SEL1L2: variants seen among roughly 807,000 people sequenced by gnomAD.
SEL1L2 encodes the protein protein sel-1 homolog 2.
Under a neutral mutation model 98.8 loss-of-function variants are expected in SEL1L2, and 89 were observed. The observed-to-expected ratio is 0.90, with a 90% CI of 0.76 to 1.07. The LOEUF is 1.07. Among genes scored for constraint, SEL1L2 ranks in the 50% least tolerant of loss-of-function variants. The probability of loss-of-function intolerance (pLI) is 0.00; values close to 1 mark genes in which losing one functional copy is unlikely to be tolerated. For synonymous variants in SEL1L2, 262 were observed against 278.5 expected, an observed-to-expected ratio of 0.94 and a Z score of 0.59; for missense variants, 788 against 812.0, an observed-to-expected ratio of 0.97 and a Z score of 0.36.
chr20:13,850,072 T>A, intron 19 of SEL1L2, 119 bp downstream of exon 19: 3 of 1,157,654 alleles, frequency 2.6e-6, no homozygotes, highest in Non-Finnish European at 2.5e-6. Context: ...ACTCTGAATT[T>A]TACTTCTCAA....
At chr20:13,971,790 T>C (rs995984958) in intron 1 of SEL1L2, among the ~76,000 whole-genome samples, 1 of 152,120 alleles carries the variant, frequency 6.6e-6, no homozygotes, top group Admixed American at 6.6e-5. Context: ...TGAAGTGGGA[T>C]CTACCATTTT....
At chr20:13,903,273 C>G (rs1600685035) in intron 5 of SEL1L2, among the ~76,000 whole-genome samples, 1 of 152,130 alleles carries the variant, frequency 6.6e-6, no homozygotes, top group Non-Finnish European at 1.5e-5. Context: ...CACACATTAT[C>G]TATGGATGTG....
At chr20:13,918,997 T>C (rs1479320487) in intron 4 of SEL1L2, 24 bp downstream of exon 4, 1 of 1,510,874 alleles carries the variant, frequency 6.6e-7, no homozygotes, top group South Asian at 1.2e-5. Context: ...TCAACTTGGC[T>C]AAGGTCACTG....
chr20:13,857,896 T>G (rs750895585), intron 18 of SEL1L2, among the ~76,000 whole-genome samples: 11 of 152,210 alleles, frequency 7.2e-5, no homozygotes, highest in Non-Finnish European at 1.3e-4. Flanking sequence ...GGCAGATATC[T>G]GTTTTACTGA....
chr20:13,910,365 T>G (rs1186639855), intron 5 of SEL1L2, among the ~76,000 whole-genome samples: 2 of 152,228 alleles, frequency 1.3e-5, no homozygotes, highest in African/African-American at 4.8e-5. Context: ...GGTATTACTA[T>G]CAATCTCTTT....
At chr20:13,913,651 C>A in intron 5 of SEL1L2, 131 bp downstream of exon 5, 1 of 771,688 alleles carries the variant, frequency 1.3e-6, no homozygotes, top group Non-Finnish European at 1.9e-6. Flanking sequence ...TGTTTCAGTG[C>A]ATTATGGTAA....
chr20:13,983,719 C>T (rs549358601), intron 1 of SEL1L2, among the ~76,000 whole-genome samples: 50 of 152,068 alleles, frequency 3.3e-4, no homozygotes, highest in African/African-American at 1.1e-3. Context: ...CGGGGTTTCT[C>T]CATGTTGGTC....
chr20:13,990,612 A>T lies in SEL1L2; in HGVS notation c.-78T>A, dbSNP rs866640649. ...GGCCCAAGAGCTCCTCTTCTCAGGG[A>T]CTGTGGTGGGGGCAGGAGTCAGTTG... is the stretch of plus-strand genomic sequence containing the variant. On this transcript the variant is annotated 5_prime_UTR_variant, in exon 1 of 20. Coordinates refer to ENST00000284951, the MANE Select transcript of SEL1L2 (RefSeq NM_025229.2). 29 of 1,131,864 alleles carry T rather than the reference A, an allele frequency of 2.6e-5. 1 individual carries two copies. The Middle Eastern group carries it at 2.0e-3, about 77-fold the overall frequency. 70.1% of individuals were successfully genotyped at this position (1,131,864 alleles called of 1,614,324 possible).
chr20:13,886,854 C>G (rs1296717212), intron 8 of SEL1L2, among the ~76,000 whole-genome samples: 1 of 151,568 alleles, frequency 6.6e-6, no homozygotes, highest in African/African-American at 2.4e-5. Flanking sequence ...AGCCACTGTG[C>G]TCCAACATGG....
intron 1 of SEL1L2, among the ~76,000 whole-genome samples, chr20:13,986,494 A>C (rs992359549): frequency 6.6e-6 from 1 of 152,128 alleles, no homozygotes; most frequent in Non-Finnish European, 1.5e-5. Flanking sequence ...GAACCATATA[A>C]TAGGCAACCT....
At chr20:13,943,192 T>C (rs778331923) in intron 2 of SEL1L2, among the ~76,000 whole-genome samples, 3 of 152,204 alleles carry the variant, frequency 2.0e-5, no homozygotes, top group Non-Finnish European at 4.4e-5. Flanking sequence ...CAAATAAGAA[T>C]AGTAGACAGC....
chr20:13,884,742 C>T (rs147016345), intron 10 of SEL1L2, among the ~76,000 whole-genome samples: 286 of 152,020 alleles, frequency 1.9e-3, no homozygotes, highest in Middle Eastern at 3.4e-3. Context: ...ATCCTGATCT[C>T]GTGATCCGCC....
At chr20:13,982,162 T>C (rs1276508534) in intron 1 of SEL1L2, among the ~76,000 whole-genome samples, 1 of 152,146 alleles carries the variant, frequency 6.6e-6, no homozygotes, top group African/African-American at 2.4e-5. Context: ...AACTTTTTGT[T>C]GTTTTGCTTT....
intron 12 of SEL1L2, among the ~76,000 whole-genome samples, chr20:13,871,176 A>G (rs1272726128): frequency 1.3e-5 from 2 of 152,168 alleles, no homozygotes; most frequent in South Asian, 2.1e-4. Flanking sequence ...TCTGTGGATT[A>G]CAATCCAGCC....
chr20:13,892,862 C>T (rs146469777), intron 5 of SEL1L2, among the ~76,000 whole-genome samples: 1 of 152,262 alleles, frequency 6.6e-6, no homozygotes, highest in African/African-American at 2.4e-5. Context: ...TCAAATTATG[C>T]CCCTGCTTAA....
intron 2 of SEL1L2, among the ~76,000 whole-genome samples, chr20:13,940,117 A>G (rs1162148759): frequency 6.6e-6 from 1 of 152,248 alleles, no homozygotes; most frequent in Non-Finnish European, 1.5e-5. Flanking sequence ...TCTGTAAGAA[A>G]TACAGCAACC....
chr20:13,892,601 G>A (rs1182013802), intron 5 of SEL1L2, among the ~76,000 whole-genome samples: 1 of 152,060 alleles, frequency 6.6e-6, no homozygotes, highest in Non-Finnish European at 1.5e-5. Flanking sequence ...AAGGAATGCA[G>A]TAAGAGAGGA....
At chr20:13,859,483 T>C (rs1278205968) in intron 17 of SEL1L2, 49 bp from the exon 18 acceptor site, 1 of 1,501,172 alleles carries the variant, frequency 6.7e-7, no homozygotes, top group Non-Finnish European at 9.2e-7. Context: ...ATGATTCATG[T>C]ATAGTTCTCA....
At position 13,936,340 on chromosome 20, in the gene SEL1L2, G is replaced by A. The variant is rs546650076; in HGVS notation, c.115-4569C>T. On this transcript the variant is annotated intron_variant, in intron 2 of 19. Coordinates refer to ENST00000284951, the MANE Select transcript of SEL1L2 (RefSeq NM_025229.2). ...AACCACCTTTGTAAAACTAATGAAAGCCCACCAGGTTAGGAGGATGACAGG... is the reference window on the plus strand; with the variant it reads ...AACCACCTTTGTAAAACTAATGAAAACCCACCAGGTTAGGAGGATGACAGG... Among the ~76,000 whole-genome samples, 6 of 152,230 alleles carry A rather than the reference G, an allele frequency of 3.9e-5. No individual in the cohort carries two copies. The South Asian group carries it at 1.2e-3, about 32-fold the overall frequency.
Sources: gnomAD v4.1 joint callset for allele counts (sites outside exome capture counted in the v4.1 genomes callset) on GRCh38, gnomAD v4.1.1 for gene constraint, MANE v1.5 for transcripts, NCBI Gene and HGNC (gene_info 2026-07-23, HGNC 2026-07-21) for gene names.